Variants in ATP9A observed in about 807,000 individuals in gnomAD.
The protein encoded by ATP9A is probable phospholipid-transporting ATPase IIA.
ATP9A carries 52 observed loss-of-function variants against 144.1 expected under a neutral mutation model. The ratio of observed to expected loss-of-function variants is 0.36; its 90% CI spans 0.29 to 0.45. The LOEUF (loss-of-function observed/expected upper bound fraction) is 0.45. Among genes scored for constraint, ATP9A ranks in the 20% least tolerant of loss-of-function variants. ATP9A has a pLI of 1.00. For missense variants in ATP9A, 947 were observed against 1,392.7 expected, an observed-to-expected ratio of 0.68 and a Z score of 5.09; for synonymous variants, 582 against 557.4, an observed-to-expected ratio of 1.04 and a Z score of -0.62.
At chr20:51,701,630 A>G (rs1005075921) in intron 4 of ATP9A, among the ~76,000 whole-genome samples, 1 of 152,182 alleles carries the variant, frequency 6.6e-6, no homozygotes, top group Non-Finnish European at 1.5e-5. Context: ...CCAACTGTCC[A>G]TCAGCCAACA....
At chr20:51,679,913 G>A (rs2077492817) in intron 9 of ATP9A, among the ~76,000 whole-genome samples, 1 of 152,102 alleles carries the variant, frequency 6.6e-6, no homozygotes, top group Non-Finnish European at 1.5e-5. Flanking sequence ...CATCAAATGG[G>A]GTATAGACCA....
chr20:51,709,321 C>A (rs1045329037), intron 4 of ATP9A, among the ~76,000 whole-genome samples: 2 of 152,114 alleles, frequency 1.3e-5, no homozygotes, highest in African/African-American at 4.8e-5. Context: ...TCAAGACCAG[C>A]CTGGCTAACA....
intron 17 of ATP9A, among the ~76,000 whole-genome samples, chr20:51,626,827 C>T (rs1156620620): frequency 6.6e-6 from 1 of 152,082 alleles, no homozygotes; most frequent in East Asian, 1.9e-4. Flanking sequence ...GAGGCCAAGG[C>T]TGGTGGATCA....
In ATP9A at chr20:51,604,965, G is replaced by T. The variant is rs761996861; in HGVS notation, c.2859C>A (p.Ile953=). 5.6e-6 allele frequency: 9 copies of T among 1,613,104 alleles called. No individual in the cohort carries two copies. The Admixed American group carries it at 1.5e-4, about 27-fold the overall frequency. ...LLLFESEFVH[I]VAISFTSLIL... The stretch of plus-strand genomic sequence containing the variant: ...TCAGCGAGGTGAAGGAGATGGCCAC[G>T]ATGTGCACGAACTCCGACTCAAACA... The change falls in exon 27 of 28, where the codon ATC becomes ATA. Residue 953 remains isoleucine, a synonymous_variant. Transcript: ENST00000338821.
At chr20:51,649,262 A>G (rs1201129992) in intron 14 of ATP9A, among the ~76,000 whole-genome samples, 1 of 152,112 alleles carries the variant, frequency 6.6e-6, no homozygotes, top group Non-Finnish European at 1.5e-5. Context: ...GAGTTTACAA[A>G]GCACTTTCAA....
intron 24 of ATP9A, 41 bp from the exon 25 acceptor site, chr20:51,608,667 G>A (rs3827032): frequency 0.29 from 369,973 of 1,293,722 alleles, 54,648 homozygotes; most frequent in Non-Finnish European, 0.3. Flanking sequence ...TGGCTGACGC[G>A]ATAGGAGCTA....
intron 11 of ATP9A, among the ~76,000 whole-genome samples, chr20:51,672,099 C>T (rs769970286): frequency 1.3e-5 from 2 of 152,096 alleles, no homozygotes; most frequent in Non-Finnish European, 2.9e-5. Flanking sequence ...CACGCCTGGC[C>T]GGAATTTAAC....
chr20:51,704,857 G>A (rs1439614670), intron 4 of ATP9A, among the ~76,000 whole-genome samples: 2 of 152,192 alleles, frequency 1.3e-5, no homozygotes, highest in Non-Finnish European at 2.9e-5. Flanking sequence ...AGCAAAATCT[G>A]TTATAAGTAA....
At chr20:51,653,405 G>A (rs1247826695) in intron 14 of ATP9A, among the ~76,000 whole-genome samples, 1 of 152,100 alleles carries the variant, frequency 6.6e-6, no homozygotes, top group Non-Finnish European at 1.5e-5. Context: ...TGGGCAACGG[G>A]CATTAAAGCC....
chr20:51,682,648 A>G (rs2077505309), intron 9 of ATP9A, among the ~76,000 whole-genome samples: 2 of 120,700 alleles, frequency 1.7e-5, no homozygotes, highest in East Asian at 5.3e-4. Context: ...TTGGGGTGCA[A>G]TGGTGCAATC....
intron 2 of ATP9A, among the ~76,000 whole-genome samples, chr20:51,728,054 T>A (rs2077723353): frequency 6.6e-6 from 1 of 151,670 alleles, no homozygotes; most frequent in African/African-American, 2.4e-5. Context: ...CACCCGAGAG[T>A]CAGACTGAGA....
intron 1 of ATP9A, chr20:51,732,578 T>G (rs530248719): frequency 9.2e-5 from 14 of 152,042 alleles, no homozygotes; most frequent in African/African-American, 3.1e-4. Context: ...AGCATCCTCA[T>G]TCCAGTAAAC....
chr20:51,706,742 C>T (rs547501721), intron 4 of ATP9A, among the ~76,000 whole-genome samples: 1 of 152,258 alleles, frequency 6.6e-6, no homozygotes, highest in East Asian at 1.9e-4. Flanking sequence ...AGAGTGAAAT[C>T]CCATTTCAAA....
chr20:51,725,963 A>G (rs1278304173), intron 2 of ATP9A, 31 bp from the exon 3 acceptor site: 1 of 1,280,184 alleles, frequency 7.8e-7, no homozygotes, highest in African/African-American at 1.5e-5. Flanking sequence ...AGAGAAAGAC[A>G]TTCAGGGCTT....
chr20:51,748,587 T>C (rs937668261), intron 1 of ATP9A, among the ~76,000 whole-genome samples: 5 of 152,248 alleles, frequency 3.3e-5, no homozygotes, highest in Non-Finnish European at 5.9e-5. Context: ...AAAATCTTAA[T>C]AATGGCAAGG....
At chr20:51,697,834 G>C (rs2077577212) in intron 4 of ATP9A, among the ~76,000 whole-genome samples, 1 of 152,046 alleles carries the variant, frequency 6.6e-6, no homozygotes, top group African/African-American at 2.4e-5. Flanking sequence ...AGTACCGGGG[G>C]AAAAAAGTCT....
intron 9 of ATP9A, among the ~76,000 whole-genome samples, chr20:51,683,036 G>C (rs1017252924): frequency 2.4e-4 from 36 of 150,686 alleles, no homozygotes; most frequent in Non-Finnish European, 4.4e-4. Context: ...AGGTTGCAAT[G>C]AGCAGAGATC....
At chr20:51,711,845 A>T (rs1262041988) in intron 4 of ATP9A, among the ~76,000 whole-genome samples, 5 of 145,452 alleles carry the variant, frequency 3.4e-5, no homozygotes, top group African/African-American at 1.3e-4. Flanking sequence ...TTAAAATTTC[A>T]ATTTCAATTT....
intron 13 of ATP9A, among the ~76,000 whole-genome samples, chr20:51,659,933 A>G (rs1301359013): frequency 6.6e-6 from 1 of 152,252 alleles, no homozygotes; most frequent in African/African-American, 2.4e-5. Context: ...CTGCATGGTA[A>G]CAATAATTAG....
Sources: gnomAD v4.1 joint callset for allele counts (sites outside exome capture counted in the v4.1 genomes callset) on GRCh38, gnomAD v4.1.1 for gene constraint, MANE v1.5 for transcripts, NCBI Gene and HGNC (gene_info 2026-07-23, HGNC 2026-07-21) for gene names.